Variants in LHX6 observed in about 807,000 individuals in gnomAD.
LHX6 encodes LIM homeobox 6.
A neutral mutation model predicts 47.1 loss-of-function variants in LHX6; 15 were observed. The ratio of observed to expected loss-of-function variants is 0.32; its 90% CI spans 0.21 to 0.49. The LOEUF is 0.49. Among genes scored for constraint, LHX6 ranks in the 20% least tolerant of loss-of-function variants. The pLI, the probability that LHX6 is intolerant of heterozygous loss-of-function variation, is 0.99. For synonymous variants in LHX6, 242 were observed against 233.5 expected, an observed-to-expected ratio of 1.04 and a Z score of -0.33; for missense variants, 404 against 539.6, an observed-to-expected ratio of 0.75 and a Z score of 2.49.
At position 122,214,298 on chromosome 9, in the gene LHX6, G is replaced by C. The variant is rs1295261390; in HGVS notation, c.768C>G (p.Thr256=). The part of the protein sequence containing the change: ...KPAKRARTSF[T]AEQLQVMQAQ... ...GCAGCGGTACCTGCAGCTGTTCCGC[G>C]GTGAAGGACGTCCGCGCGCGCTTGG... The change falls in exon 6 of 10, where the codon ACC becomes ACG. Residue 256 remains threonine, a synonymous_variant. Coordinates refer to ENST00000394319, the MANE Select transcript of LHX6 (RefSeq NM_014368.5). This position sits in a 1 kb window ranked among gnomAD's most constrained non-coding sequence, Gnocchi z 4.6. 6.3e-7 allele frequency: 1 copy of C among 1,598,312 alleles called. No homozygotes were observed.
At chr9:122,218,541 G>A (rs536284417) in intron 4 of LHX6, among the ~76,000 whole-genome samples, 4 of 151,984 alleles carry the variant, frequency 2.6e-5, no homozygotes, top group African/African-American at 4.8e-5. Flanking sequence ...CCTCCTCCCC[G>A]GTCTCCCTGT....
At chr9:122,205,093 G>C (rs1206467278) in intron 9 of LHX6, among the ~76,000 whole-genome samples, 1 of 152,228 alleles carries the variant, frequency 6.6e-6, no homozygotes, top group African/African-American at 2.4e-5. Context: ...TGATTTCACG[G>C]AAGCCGCACC....
chr9:122,221,822 G>A (rs1830875146), intron 4 of LHX6: 1 of 589,510 alleles, frequency 1.7e-6, no homozygotes, highest in Non-Finnish European at 2.1e-6. Flanking sequence ...GCACAGACGG[G>A]TGGCTGATAT....
intron 4 of LHX6, among the ~76,000 whole-genome samples, chr9:122,222,434 T>C (rs990572543): frequency 1.3e-5 from 2 of 152,126 alleles, no homozygotes; most frequent in Non-Finnish European, 2.9e-5. Context: ...CTGCTGGGAA[T>C]CTCAGGGAGT....
intron 1 of LHX6, chr9:122,228,393 G>A: frequency 6.7e-7 from 1 of 1,499,826 alleles, no homozygotes; most frequent in Non-Finnish European, 8.8e-7. Context: ...GGACAATACC[G>A]GCCTCGCCTC....
chr9:122,227,365 C>A, intron 2 of LHX6, 44 bp downstream of exon 2: 1 of 1,467,536 alleles, frequency 6.8e-7, no homozygotes, highest in Non-Finnish European at 9.0e-7. Flanking sequence ...CAGGGCCGGG[C>A]CGCTGGAGGA....
chr9:122,207,176 G>T (rs1363708444), intron 9 of LHX6, among the ~76,000 whole-genome samples: 1 of 152,152 alleles, frequency 6.6e-6, no homozygotes, highest in African/African-American at 2.4e-5. Context: ...TAGGATCCCG[G>T]CCAGTTCTGC....
chr9:122,227,628 C>T, intron 1 of LHX6, 148 bp from the exon 2 acceptor site: 1 of 1,351,276 alleles, frequency 7.4e-7, no homozygotes, highest in Non-Finnish European at 9.5e-7. Flanking sequence ...AGCCCTTCCC[C>T]ACAAAAGCGG....
chr9:122,217,128 C>A lies in LHX6; in HGVS notation c.622G>T (p.Val208Leu). The change falls in exon 5 of 10, where the codon GTG (valine) becomes TTG (leucine). Residue 208 changes from valine (V) to leucine (L), a missense_variant. Coordinates refer to ENST00000394319, the MANE Select transcript of LHX6 (RefSeq NM_014368.5). This position sits in a 1 kb window ranked among gnomAD's most constrained non-coding sequence, Gnocchi z 4.9. ...GEEFGLVEEK[V>L]LCRIHYDTMI... ...GTGTCGTAGTGGATGCGGCAGAGCACCTTCTCCTCGACCAGGCCGAACTCC... is the reference window on the plus strand; with the variant it reads ...GTGTCGTAGTGGATGCGGCAGAGCAACTTCTCCTCGACCAGGCCGAACTCC... 6.2e-7 allele frequency: 1 copy of A among 1,614,222 alleles called. No individual in the cohort carries two copies. Among genetic ancestry groups the A allele is most frequent in the Non-Finnish European group, 8.5e-7 (1 of 1,180,034 alleles).
At chr9:122,228,413 C>T (rs1435132444) in intron 1 of LHX6, 1 of 1,488,166 alleles carries the variant, frequency 6.7e-7, no homozygotes, top group Non-Finnish European at 8.9e-7. Flanking sequence ...CCTCTTGATT[C>T]GCCTGTGTCT....
Position 122,226,808 on chromosome 9 carries a change from C to T in LHX6, c.339+40G>A. The T allele has an allele frequency of 6.5e-7, 1 of 1,542,746 alleles. No individual in the cohort carries two copies. Among genetic ancestry groups the T allele is most frequent in the South Asian group, 1.2e-5 (1 of 83,202 alleles). The stretch of plus-strand genomic sequence containing the variant: ...CTGCAGTCTCCTGCGCTGCGTCCCA[C>T]GCCCCGACAACACGCACGCAACACC... On this transcript the variant is annotated intron_variant, in intron 3 of 9. Transcript: ENST00000394319. The surrounding 1 kb of genome is among the most constrained non-coding windows in gnomAD (Gnocchi z 6.5).
At chr9:122,228,216 C>A in intron 1 of LHX6, 11 of 1,505,118 alleles carry the variant, frequency 7.3e-6, no homozygotes, top group South Asian at 3.6e-5. Flanking sequence ...AAAAAGAGAG[C>A]GAGATCGGGG....
At chr9:122,210,995 A>G (rs1446627082) in intron 8 of LHX6, among the ~76,000 whole-genome samples, 2 of 152,238 alleles carry the variant, frequency 1.3e-5, no homozygotes, top group Non-Finnish European at 2.9e-5. Flanking sequence ...CAGCACCTAG[A>G]GTGAGGCATG....
intron 4 of LHX6, among the ~76,000 whole-genome samples, chr9:122,223,466 A>G (rs1775611605): frequency 6.6e-6 from 1 of 152,232 alleles, no homozygotes; most frequent in Non-Finnish European, 1.5e-5. Context: ...AATGATGACA[A>G]CAGTGATAAT....
chr9:122,211,663 G>C (rs1830402337), intron 8 of LHX6, among the ~76,000 whole-genome samples: 2 of 152,204 alleles, frequency 1.3e-5, no homozygotes, highest in Admixed American at 1.3e-4. Context: ...TCTTCCCCAA[G>C]CTGAGTTCCA....
At chr9:122,220,192 C>T (rs1830785940) in intron 4 of LHX6, among the ~76,000 whole-genome samples, 1 of 152,352 alleles carries the variant, frequency 6.6e-6, no homozygotes, top group South Asian at 2.1e-4. Flanking sequence ...TCCTCATACC[C>T]TTGGTCCGAG....
At position 122,204,441 on chromosome 9, in the gene LHX6, G is replaced by T. The variant is rs1437773045; in HGVS notation, c.*319C>A. 3 of 389,808 alleles carry T rather than the reference G, an allele frequency of 7.7e-6. No individual in the cohort carries two copies. The highest frequency in any genetic ancestry group is 1.4e-5 in the Non-Finnish European group (3 of 220,230). 24.1% of individuals were successfully genotyped at this position (389,808 alleles called of 1,614,324 possible). ...CGTTGGCATCGCACAATTCAATTCCGCCTTTTGTTATTGTAATCAGCTGAA... is the reference window on the plus strand; with the variant it reads ...CGTTGGCATCGCACAATTCAATTCCTCCTTTTGTTATTGTAATCAGCTGAA... On this transcript the variant is annotated 3_prime_UTR_variant, in exon 10 of 10. Coordinates refer to ENST00000394319, the MANE Select transcript of LHX6 (RefSeq NM_014368.5).
intron 4 of LHX6, among the ~76,000 whole-genome samples, chr9:122,223,795 G>A (rs1481505594): frequency 6.6e-6 from 1 of 152,224 alleles, no homozygotes; most frequent in Non-Finnish European, 1.5e-5. Context: ...AGGAGGCTCA[G>A]TCCAGCATGG....
chr9:122,227,554 T>C, intron 1 of LHX6, 74 bp from the exon 2 acceptor site: 1 of 1,445,508 alleles, frequency 6.9e-7, no homozygotes, highest in Admixed American at 2.8e-5. Context: ...GCCCAGCGCC[T>C]CCCCGCGCCT....
Sources: gnomAD v4.1 joint callset for allele counts (sites outside exome capture counted in the v4.1 genomes callset) on GRCh38, gnomAD v4.1.1 for gene constraint, Gnocchi (gnomAD v3.1) non-coding constraint, MANE v1.5 for transcripts, NCBI Gene and HGNC (gene_info 2026-07-23, HGNC 2026-07-21) for gene names.